Variants in ZNF117 observed in about 807,000 individuals in gnomAD.
ZNF117 encodes Krueppel-related zinc finger protein.
Under a neutral mutation model 41.2 loss-of-function variants are expected in ZNF117, and 37 were observed. The observed-to-expected ratio is 0.90, with a 90% CI of 0.69 to 1.18. The LOEUF (loss-of-function observed/expected upper bound fraction) is 1.18, where lower values mean the gene tolerates loss of function less well. ZNF117 is among the 50% of genes most tolerant of loss of function. The pLI is 0.00. For synonymous variants in ZNF117, 186 were observed against 186.6 expected, an observed-to-expected ratio of 1.00 and a Z score of 0.02; for missense variants, 546 against 557.5, an observed-to-expected ratio of 0.98 and a Z score of 0.21.
chr7:64,977,156 T>C, exon 3 of ZNF117: 1 of 476,090 alleles, frequency 2.1e-6, no homozygotes, highest in South Asian at 1.5e-5. Flanking sequence ...ACAGTTTCTC[T>C]CCAGTATGAA....
exon 3 of ZNF117, chr7:64,978,740 G>A: frequency 1.2e-6 from 2 of 1,613,066 alleles, no homozygotes; most frequent in Non-Finnish European, 1.7e-6. Context: ...CTTCACATTT[G>A]TACAGCTTCT....
chr7:64,989,917 C>T (rs1450481896), intron 1 of ZNF117, 30 bp downstream of exon 1: 1 of 151,870 alleles, frequency 6.6e-6, no homozygotes. Flanking sequence ...AATAAAAATA[C>T]AAAAATTAGC....
exon 3 of ZNF117, chr7:64,978,050 G>T: frequency 6.7e-7 from 1 of 1,500,116 alleles, no homozygotes; most frequent in Non-Finnish European, 9.1e-7. Context: ...TAGAAGTTTT[G>T]CCACATTCTT....
chr7:64,987,358 T>G (rs185488202), intron 1 of ZNF117, among the ~76,000 whole-genome samples: 7 of 152,240 alleles, frequency 4.6e-5, no homozygotes, highest in African/African-American at 1.7e-4. Flanking sequence ...AAGATCTCAA[T>G]TTAACAATGT....
intron 1 of ZNF117, among the ~76,000 whole-genome samples, chr7:64,987,753 G>A (rs939334132): frequency 1.7e-4 from 26 of 151,692 alleles, no homozygotes; most frequent in African/African-American, 6.3e-4. Context: ...GAGGCAAAAG[G>A]TGGGAGGATA....
chr7:64,975,018 T>G (rs1045399952), exon 3 of ZNF117: 2 of 151,910 alleles, frequency 1.3e-5, no homozygotes, highest in Non-Finnish European at 2.9e-5. Flanking sequence ...GAATAAAAAT[T>G]TAACCTATGG....
chr7:64,980,268 T>C (rs563850972), intron 2 of ZNF117: 1 of 152,152 alleles, frequency 6.6e-6, no homozygotes, highest in South Asian at 2.1e-4. Context: ...CTGTGACAGG[T>C]AGCTTGTTTT....
intron 1 of ZNF117, among the ~76,000 whole-genome samples, chr7:64,987,793 G>A (rs1220095187): frequency 2.0e-5 from 3 of 149,176 alleles, no homozygotes; most frequent in Admixed American, 1.3e-4. Context: ...AGACCTGCCT[G>A]GGCAATATAG....
At chr7:64,987,450 A>T (rs1342362253) in intron 1 of ZNF117, among the ~76,000 whole-genome samples, 1 of 152,226 alleles carries the variant, frequency 6.6e-6, no homozygotes, top group Non-Finnish European at 1.5e-5. Flanking sequence ...TCTGATCTGT[A>T]CTGAAGGAGA....
At chr7:64,972,268 T>A (rs1785796094), downstream of ZNF117, 1 of 142,912 alleles carries the variant, frequency 7.0e-6, no homozygotes, top group South Asian at 2.3e-4. Flanking sequence ...TGTCAAAAAA[T>A]TTAAAATTAA....
At chr7:64,983,195 AAC>A (rs1396478760), upstream of ZNF117, among the ~76,000 whole-genome samples, 1 of 152,200 alleles carries the variant, frequency 6.6e-6, no homozygotes, top group Non-Finnish European at 1.5e-5. Flanking sequence ...GCTAATGGAG[AAC>A]AGAGATGGTA....
chr7:64,981,112 A>C (rs77050495), intron 2 of ZNF117: 16,838 of 360,638 alleles, frequency 0.047, 558 homozygotes, highest in East Asian at 0.14. Context: ...ACAAAAAAAA[A>C]CCAGTCAGAT....
In ZNF117 at chr7:64,989,446, TA is replaced by T. The variant is rs1786206443; in HGVS notation, c.-196+500del. ...GACTTAAATGTAGAACTTAAAATTA[TA>T]TATATATATATATATATATATATAT... is the stretch of plus-strand genomic sequence containing the variant. On this transcript the variant is annotated intron_variant, in intron 1 of 3. Coordinates refer to the ZNF117 transcript ENST00000282869. Among the ~76,000 whole-genome samples, 12 of 5,340 alleles carry T rather than the reference TA, an allele frequency of 2.2e-3. No homozygotes were observed. The South Asian group carries it at 0.027, about 12-fold the overall frequency. 3.5% of individuals were successfully genotyped at this position (5,340 alleles called of 152,430 possible).
At chr7:64,982,272 A>G (rs2129119567), upstream of ZNF117, among the ~76,000 whole-genome samples, 1 of 152,352 alleles carries the variant, frequency 6.6e-6, no homozygotes, top group Non-Finnish European at 1.5e-5. Context: ...AATTTTTAAC[A>G]CAGAAATATT....
chr7:64,982,193 C>G (rs2129119549), upstream of ZNF117: 2 of 532,176 alleles, frequency 3.8e-6, no homozygotes, highest in South Asian at 5.5e-5. Flanking sequence ...TTTTAAATTT[C>G]AAGGTAAAAT....
At chr7:64,987,287 C>T (rs1786155653) in intron 1 of ZNF117, among the ~76,000 whole-genome samples, 1 of 152,158 alleles carries the variant, frequency 6.6e-6, no homozygotes, top group East Asian at 1.9e-4. Flanking sequence ...CTCTGCAACA[C>T]AGCTAAGGCA....
chr7:64,988,474 T>C (rs1187384839), intron 1 of ZNF117, among the ~76,000 whole-genome samples: 1 of 152,152 alleles, frequency 6.6e-6, no homozygotes, highest in Non-Finnish European at 1.5e-5. Context: ...GAATTCTGTA[T>C]GACAAACCCA....
Position 64,979,041 on chromosome 7 carries a change from GT to G in ZNF117, c.529del (p.Thr177ProfsTer37), listed in dbSNP as rs1785964859. 4 of 1,612,848 alleles carry G rather than the reference GT, an allele frequency of 2.5e-6. No homozygotes were observed. In the East Asian group the frequency reaches 8.9e-5, roughly 36 times the overall value. ...TCTCTTATGTCTAATAAGGTGTGAG[GT>G]CTGGTTAAAGGCTTTGCCACATTCT... On this transcript the variant is annotated frameshift_variant, in exon 3 of 3. Coordinates refer to ENST00000620222, the Ensembl canonical transcript of ZNF117. LOFTEE classifies it high-confidence loss of function.
chr7:64,977,873 A>G lies in ZNF117; in HGVS notation c.*246T>C, dbSNP rs192846675. ...GTTTAATAAGGTTTGATGATCAATTAAAAGCTCTGCCACATTCTTCACATT... is the reference window on the plus strand; with the variant it reads ...GTTTAATAAGGTTTGATGATCAATTGAAAGCTCTGCCACATTCTTCACATT... On this transcript the variant is annotated 3_prime_UTR_variant, in exon 3 of 3. Transcript: ENST00000620222. 9.6e-5 allele frequency: 113 copies of G among 1,175,896 alleles called. 1 individual carries two copies. In the African/African-American group the frequency reaches 1.6e-3, roughly 17 times the overall value. 72.8% of individuals were successfully genotyped at this position (1,175,896 alleles called of 1,614,324 possible). A position where few individuals can be genotyped will look rare whatever the true frequency, so the allele number is the denominator to read the frequency against.
Sources: allele counts gnomAD v4.1 joint callset (sites outside exome capture counted in the v4.1 genomes callset), GRCh38; gene constraint gnomAD v4.1.1; transcripts MANE v1.5; gene names NCBI Gene and HGNC (gene_info 2026-07-23, HGNC 2026-07-21).